NRK: variants seen among roughly 807,000 people sequenced by gnomAD.
The protein encoded by NRK is Nik related kinase.
Under a neutral mutation model 125.2 loss-of-function variants are expected in NRK, and 67 were observed. The ratio of observed to expected loss-of-function variants is 0.54; its 90% CI spans 0.44 to 0.66. The LOEUF (loss-of-function observed/expected upper bound fraction) is 0.66. NRK is among the 30% of genes least tolerant of loss of function. The probability of loss-of-function intolerance (pLI) is 0.00; values close to 1 mark genes in which losing one functional copy is unlikely to be tolerated. For synonymous variants in NRK, 458 were observed against 429.0 expected, an observed-to-expected ratio of 1.07 and a Z score of -0.84; for missense variants, 1,224 against 1,192.9, an observed-to-expected ratio of 1.03 and a Z score of -0.38.
At chrX:105,824,783 G>T (rs1734481868) in intron 1 of NRK, among the ~76,000 whole-genome samples, 1 of 111,108 alleles carries the variant, frequency 9.0e-6, no homozygotes, top group African/African-American at 3.3e-5. Flanking sequence ...GAGTGGGTGT[G>T]TGAGGAGCGT....
chrX:105,895,260 C>T (rs17332349), intron 6 of NRK, 173 bp from the exon 7 acceptor site: 26 of 530,526 alleles, frequency 4.9e-5, no homozygotes, highest in East Asian at 2.8e-4. Context: ...TTTCTGGGAA[C>T]GGGTTGTAGT....
intron 9 of NRK, 78 bp downstream of exon 9, chrX:105,900,750 A>C (rs761531277): frequency 9.4e-6 from 6 of 638,098 alleles, no homozygotes; most frequent in African/African-American, 6.6e-5. Flanking sequence ...TCTCTGTCGA[A>C]GAAGATGAGA....
intron 6 of NRK, 40 bp from the exon 7 acceptor site, chrX:105,895,390 AAAG>A (rs752083400): frequency 1.0e-6 from 1 of 975,487 alleles, no homozygotes; most frequent in South Asian, 2.0e-5. Context: ...AGAAAGAAAG[AAAG>A]AAATATATAC....
At chrX:105,883,946 A>G (rs2039913202) in intron 4 of NRK, among the ~76,000 whole-genome samples, 1 of 112,887 alleles carries the variant, frequency 8.9e-6, no homozygotes, top group African/African-American at 3.2e-5. Context: ...GCCACATCAC[A>G]GGGGAAGCAG....
intron 1 of NRK, among the ~76,000 whole-genome samples, chrX:105,828,624 T>C (rs2039146140): frequency 1.8e-5 from 2 of 111,904 alleles, no homozygotes; most frequent in Admixed American, 9.5e-5. Context: ...TTTGATTATT[T>C]TGACAGATGG....
Position 105,953,076 on chromosome X carries a change from C to T in NRK, c.4556C>T (p.Ala1519Val). 1 of 1,191,502 alleles carries T rather than the reference C, an allele frequency of 8.4e-7. No homozygotes were observed. The highest frequency in any genetic ancestry group is 1.1e-6 in the Non-Finnish European group (1 of 881,375). The change falls in exon 28 of 29, where the codon GCC becomes GTC. Residue 1519 changes from alanine (A) to valine (V), a missense_variant. Ala to Val is a moderately conservative substitution (Grantham distance 64). Coordinates refer to ENST00000243300, the MANE Select transcript of NRK (RefSeq NM_198465.4). ...CGAACCACAGGATGGGGCCAAAAGG[C>T]CATTGAAGTGCGCTCTTTGCAATCC... ...TQRTTGWGQK[A>V]IEVRSLQSRV...
intron 2 of NRK, among the ~76,000 whole-genome samples, chrX:105,857,963 G>T (rs1181409489): frequency 1.8e-5 from 2 of 110,433 alleles, no homozygotes; most frequent in Non-Finnish European, 3.8e-5. Flanking sequence ...GGATTGCCCA[G>T]GCCTGTCACC....
At chrX:105,845,849 G>A (rs766081500) in intron 2 of NRK, among the ~76,000 whole-genome samples, 1 of 111,644 alleles carries the variant, frequency 9.0e-6, no homozygotes, top group African/African-American at 3.3e-5. Flanking sequence ...TCATAGGAAT[G>A]CGGCTTTGCT....
chrX:105,864,225 C>G (rs748207989), intron 2 of NRK, among the ~76,000 whole-genome samples: 1 of 110,716 alleles, frequency 9.0e-6, no homozygotes, highest in Non-Finnish European at 1.9e-5. Flanking sequence ...AATGAGATAC[C>G]AACTAAACAC....
At chrX:105,899,573 T>C (rs1380537142) in intron 8 of NRK, among the ~76,000 whole-genome samples, 1 of 112,201 alleles carries the variant, frequency 8.9e-6, no homozygotes, top group Non-Finnish European at 1.9e-5. Context: ...TAATGCTTTA[T>C]AATTGTATAC....
At chrX:105,912,588 G>A in intron 13 of NRK, 60 bp from the exon 14 acceptor site, 1 of 512,101 alleles carries the variant, frequency 2.0e-6, no homozygotes. Context: ...TGATGAAGTT[G>A]TTCCTATCAC....
chrX:105,888,336 A>G lies in NRK; in HGVS notation c.295A>G (p.Lys99Glu). 2 of 1,194,048 alleles carry G rather than the reference A, an allele frequency of 1.7e-6. No individual in the cohort carries two copies. The highest frequency in any genetic ancestry group is 1.1e-6 in the Non-Finnish European group (1 of 882,739). ...DLRTELNLLR[K>E]YSFHKNIVSF... The stretch of plus-strand genomic sequence containing the variant: ...CAGGACTGAACTCAACCTTCTGAGG[A>G]AGTACTCTTTCCACAAAAACATTGT... The change falls in exon 5 of 29, where the codon AAG (lysine) becomes GAG (glutamate). Residue 99 changes from lysine (K) to glutamate (E), a missense_variant. Transcript: ENST00000243300.
chrX:105,925,077 T>A (rs1202852011), intron 19 of NRK, 46 bp downstream of exon 19: 2 of 961,724 alleles, frequency 2.1e-6, no homozygotes, highest in Non-Finnish European at 2.9e-6. Flanking sequence ...TCATTGCGAA[T>A]GTGTTTCTTC....
intron 28 of NRK, among the ~76,000 whole-genome samples, chrX:105,954,942 A>G (rs1439250188): frequency 1.8e-5 from 2 of 112,014 alleles, no homozygotes; most frequent in African/African-American, 6.5e-5. Flanking sequence ...TTAATTAACA[A>G]GATTTAACAA....
At position 105,906,549 on chromosome X, in the gene NRK, A is replaced by C. The variant is rs1207489725; in HGVS notation, c.981A>C (p.Thr327=). The C allele has an allele frequency of 8.8e-7, 1 of 1,131,374 alleles. No individual in the cohort carries two copies. Among genetic ancestry groups the C allele is most frequent in the Non-Finnish European group, 1.2e-6 (1 of 844,573 alleles). 93.2% of individuals were successfully genotyped at this position (1,131,374 alleles called of 1,213,427 possible). The change falls in exon 11 of 29, where the codon ACA becomes ACC. Residue 327 remains threonine (T), a synonymous_variant. Coordinates refer to ENST00000243300, the MANE Select transcript of NRK (RefSeq NM_198465.4). ...AACGACATGTTGTTGAGTCATTAAC[A>C]AGGCATCTTACTGGAATCATTAAAA... is the stretch of plus-strand genomic sequence containing the variant. ...KNERHVVESL[T]RHLTGIIKKR... is the part of the protein sequence containing the mutation.
At chrX:105,873,288 G>A (rs752860464) in intron 2 of NRK, among the ~76,000 whole-genome samples, 16 of 111,409 alleles carry the variant, frequency 1.4e-4, no homozygotes, top group African/African-American at 5.2e-4. Context: ...ATTCTTTCCA[G>A]AGAAAAACAT....
intron 6 of NRK, 40 bp downstream of exon 6, chrX:105,893,982 A>T (rs1336142744): frequency 1.3e-6 from 1 of 749,758 alleles, no homozygotes; most frequent in Admixed American, 2.4e-5. Context: ...ATCTTTTAAG[A>T]ACCTGGGAGT....
intron 22 of NRK, 23 bp from the exon 23 acceptor site, chrX:105,939,851 C>T: frequency 1.1e-6 from 1 of 947,916 alleles, no homozygotes; most frequent in Non-Finnish European, 1.4e-6. Flanking sequence ...ATTTTAAATA[C>T]TGTATATTTT....
chrX:105,885,424 T>A (rs891827405), intron 4 of NRK, among the ~76,000 whole-genome samples: 11 of 112,654 alleles, frequency 9.8e-5, no homozygotes, highest in Non-Finnish European at 1.7e-4. Context: ...AATACCTAAA[T>A]GCACAAACCA....
Sources: gnomAD v4.1 joint callset for allele counts (sites outside exome capture counted in the v4.1 genomes callset) on GRCh38, gnomAD v4.1.1 for gene constraint, MANE v1.5 for transcripts, NCBI Gene and HGNC (gene_info 2026-07-23, HGNC 2026-07-21) for gene names.